Variants in UPP2 observed in about 807,000 individuals in gnomAD.
The protein encoded by UPP2 is uridine phosphorylase 2, also known as UPase 2.
Under a neutral mutation model 26.7 loss-of-function variants are expected in UPP2, and 23 were observed. The ratio of observed to expected loss-of-function variants is 0.86; its 90% CI spans 0.62 to 1.22. UPP2 has a LOEUF of 1.22. Among genes scored for constraint, UPP2 ranks in the 50% most tolerant of loss-of-function variants. UPP2 has a pLI of 0.00. For synonymous variants in UPP2, 127 were observed against 141.3 expected (o/e 0.90, Z 0.72); for missense variants, 387 against 396.7 (o/e 0.98, Z 0.21).
At chr2:158,079,713 A>G (rs1439362670) in intron 3 of UPP2, among the ~76,000 whole-genome samples, 1 of 152,060 alleles carries the variant, frequency 6.6e-6, no homozygotes, top group African/African-American at 2.4e-5. Context: ...CTGACTTGTC[A>G]CTGTTTCTGC....
chr2:158,069,799 C>T (rs1237084402), intron 3 of UPP2, among the ~76,000 whole-genome samples: 2 of 152,148 alleles, frequency 1.3e-5, no homozygotes, highest in African/African-American at 4.8e-5. Flanking sequence ...GAGTGGATGG[C>T]TTATAAACAA....
At chr2:158,000,569 G>T (rs767301521) in intron 2 of UPP2, among the ~76,000 whole-genome samples, 1 of 152,116 alleles carries the variant, frequency 6.6e-6, no homozygotes, top group Non-Finnish European at 1.5e-5. Flanking sequence ...GCTGGAGATG[G>T]CTTCCTCCAA....
chr2:158,014,048 T>C (rs1038298747), intron 2 of UPP2, among the ~76,000 whole-genome samples: 2 of 152,196 alleles, frequency 1.3e-5, no homozygotes, highest in African/African-American at 4.8e-5. Flanking sequence ...GCCCACCTAC[T>C]GTTAAGTAAT....
In UPP2 at chr2:158,078,830, G is replaced by A. The variant is rs374969038; in HGVS notation, c.148-23210G>A. ...AAATGTTTGAGGGGATGGATACCCC[G>A]TTTACCCTGATGTGGTTATTGCATG... On this transcript the variant is annotated intron_variant, in intron 3 of 9. Coordinates refer to the UPP2 transcript ENST00000605860. Among the ~76,000 whole-genome samples, 9 of 151,362 alleles carry A rather than the reference G, an allele frequency of 5.9e-5. No individual in the cohort carries two copies. The South Asian group carries it at 1.2e-3, about 21-fold the overall frequency.
intron 2 of UPP2, among the ~76,000 whole-genome samples, chr2:158,002,306 C>A (rs2105463190): frequency 6.6e-6 from 1 of 152,292 alleles, no homozygotes; most frequent in Middle Eastern, 3.4e-3. Flanking sequence ...CAGAGGCAAT[C>A]CCACCATTAG....
chr2:158,132,075 G>C (rs1683830725), intron 6 of UPP2, among the ~76,000 whole-genome samples: 1 of 152,214 alleles, frequency 6.6e-6, no homozygotes, highest in African/African-American at 2.4e-5. Flanking sequence ...CCCATGTCAG[G>C]CTTCACAGAT....
chr2:158,039,601 T>C (rs1684056796), intron 3 of UPP2, among the ~76,000 whole-genome samples: 1 of 152,218 alleles, frequency 6.6e-6, no homozygotes, highest in African/African-American at 2.4e-5. Flanking sequence ...TAAGACTCAG[T>C]GTCCCAACTA....
chr2:158,027,094 C>T (rs1683845154), intron 3 of UPP2, among the ~76,000 whole-genome samples: 1 of 152,066 alleles, frequency 6.6e-6, no homozygotes, highest in Non-Finnish European at 1.5e-5. Context: ...ATCATTCCAC[C>T]CCGGCTCCTC....
chr2:158,104,381 G>A (rs183943510), intron 1 of UPP2, among the ~76,000 whole-genome samples: 5 of 152,300 alleles, frequency 3.3e-5, no homozygotes, highest in African/African-American at 9.6e-5. Flanking sequence ...GAAGGACAAA[G>A]GCCTGAAGCA....
chr2:158,063,835 G>A (rs1165498883), intron 3 of UPP2, among the ~76,000 whole-genome samples: 4 of 152,152 alleles, frequency 2.6e-5, no homozygotes, highest in African/African-American at 7.2e-5. Context: ...TTATGAGTGA[G>A]AACATATGGT....
chr2:158,000,781 G>T (rs1683392410), intron 2 of UPP2, among the ~76,000 whole-genome samples: 2 of 152,238 alleles, frequency 1.3e-5, no homozygotes, highest in South Asian at 4.1e-4. Context: ...CCTGTGAAAT[G>T]AGCTCCTTGC....
chr2:158,015,412 A>C (rs1683642056), intron 2 of UPP2, among the ~76,000 whole-genome samples: 1 of 152,202 alleles, frequency 6.6e-6, no homozygotes, highest in East Asian at 1.9e-4. Flanking sequence ...CATGTGACAT[A>C]ATTTCCTTCC....
Position 158,122,217 on chromosome 2 carries a change from G to A in UPP2, c.664+599G>A, listed in dbSNP as rs368107884. On this transcript the variant is annotated intron_variant, in intron 5 of 6. Coordinates refer to ENST00000005756, the MANE Select transcript of UPP2 (RefSeq NM_173355.4). ...AAAGACAGACCCCCGATTCTTTCTC[G>A]TCCCAGAAGAAAGAATCTACACAGT... Among the ~76,000 whole-genome samples, 148 of 151,146 alleles carry A rather than the reference G, an allele frequency of 9.8e-4. 4 individuals are homozygous for A. In the South Asian group the frequency reaches 0.024, roughly 24 times the overall value.
At chr2:158,041,774 T>C (rs1401404965) in intron 3 of UPP2, among the ~76,000 whole-genome samples, 1 of 152,208 alleles carries the variant, frequency 6.6e-6, no homozygotes, top group Non-Finnish European at 1.5e-5. Context: ...CCATCCGATG[T>C]TGGAATTGCA....
chr2:158,027,993 G>C (rs1405442363), intron 3 of UPP2, among the ~76,000 whole-genome samples: 1 of 152,190 alleles, frequency 6.6e-6, no homozygotes, highest in African/African-American at 2.4e-5. Flanking sequence ...TCCTGGGCCA[G>C]GCCCACGAAA....
intron 3 of UPP2, among the ~76,000 whole-genome samples, chr2:158,084,070 T>C (rs1261664582): frequency 6.6e-6 from 1 of 152,006 alleles, no homozygotes; most frequent in Non-Finnish European, 1.5e-5. Context: ...TTTTAGTTCT[T>C]TAAGGAATCT....
chr2:158,065,018 C>T (rs1006350321), intron 3 of UPP2, among the ~76,000 whole-genome samples: 3 of 152,092 alleles, frequency 2.0e-5, no homozygotes, highest in East Asian at 1.9e-4. Context: ...AGTCAGGTAG[C>T]GTGATGCTTC....
intron 3 of UPP2, among the ~76,000 whole-genome samples, chr2:158,067,018 G>C (rs1403624103): frequency 6.6e-6 from 1 of 152,004 alleles, no homozygotes; most frequent in Non-Finnish European, 1.5e-5. Context: ...ATATTTATCA[G>C]AAGTTGTTTA....
chr2:158,134,797 C>A lies in UPP2; in HGVS notation c.861C>A (p.Ile287=), dbSNP rs1483500623. 6.2e-6 allele frequency: 10 copies of A among 1,613,610 alleles called. No homozygotes were observed. Among genetic ancestry groups the A allele is most frequent in the Non-Finnish European group, 8.5e-6 (10 of 1,179,802 alleles). Residue 287 remains isoleucine, a synonymous_variant, in exon 7 of 7, where the codon ATC becomes ATA. Coordinates refer to ENST00000005756, the MANE Select transcript of UPP2 (RefSeq NM_173355.4). ...TLLDRLDCDQ[I]NLPHDVLVEY... is the part of the protein sequence containing the mutation. ...TCGACAGACTCGACTGTGATCAGAT[C>A]AACTTGCCTCATGATGTCCTGGTGG...
Sources: allele counts gnomAD v4.1 joint callset (sites outside exome capture counted in the v4.1 genomes callset), GRCh38; gene constraint gnomAD v4.1.1; transcripts MANE v1.5; gene names NCBI Gene and HGNC (gene_info 2026-07-23, HGNC 2026-07-21).